Variants in DPP3 observed in about 807,000 individuals in gnomAD.
The protein encoded by DPP3 is dipeptidyl peptidase 3.
In DPP3, 64 loss-of-function variants were observed where a neutral mutation model predicts 89.8. That is an observed-to-expected ratio of 0.71 (90% confidence interval 0.58 to 0.88). The LOEUF (loss-of-function observed/expected upper bound fraction) is 0.88. Among genes scored for constraint, DPP3 ranks in the 40% least tolerant of loss-of-function variants. The pLI, the probability that DPP3 is intolerant of heterozygous loss-of-function variation, is 0.00. For synonymous variants in DPP3, 377 were observed against 404.3 expected (o/e 0.93, Z 0.81); for missense variants, 835 against 972.5 (o/e 0.86, Z 1.88).
At chr11:66,503,812 G>A (rs1293831008) in intron 16 of DPP3, among the ~76,000 whole-genome samples, 2 of 152,132 alleles carry the variant, frequency 1.3e-5, no homozygotes, top group Non-Finnish European at 2.9e-5. Flanking sequence ...ACTTGAACCC[G>A]GGAGGCAGAG....
At chr11:66,495,149 C>CT (rs1855496636) in intron 12 of DPP3, 57 bp from the exon 13 acceptor site, 3 of 1,611,250 alleles carry the variant, frequency 1.9e-6, no homozygotes. Context: ...GATTCTGGGG[C>CT]TGGAGGCCTG....
chr11:66,507,360 A>G (rs1855826974), intron 17 of DPP3, among the ~76,000 whole-genome samples: 1 of 152,014 alleles, frequency 6.6e-6, no homozygotes, highest in Non-Finnish European at 1.5e-5. Context: ...CCAGCTACTC[A>G]GGAGACTGAG....
At position 66,486,253 on chromosome 11, in the gene DPP3, T is replaced by A. The variant is rs1855223518; in HGVS notation, c.361-287T>A. The stretch of plus-strand genomic sequence containing the variant: ...CCACTGCGTCTGGCCTAATTTTTTT[T>A]ATTCTTTGTAGAGATGGGGTCTCTC... On this transcript the variant is annotated intron_variant, in intron 3 of 17. Coordinates refer to ENST00000531863, the MANE Select transcript of DPP3 (RefSeq NM_130443.4). Among the ~76,000 whole-genome samples the A allele has an allele frequency of 5.9e-5, 9 of 152,136 alleles. No homozygotes were observed. In the South Asian group the frequency reaches 1.9e-3, roughly 32 times the overall value.
At chr11:66,499,959 C>G (rs1481977580) in intron 16 of DPP3, among the ~76,000 whole-genome samples, 1 of 152,034 alleles carries the variant, frequency 6.6e-6, no homozygotes, top group Non-Finnish European at 1.5e-5. Flanking sequence ...GTGCCCTGTA[C>G]TGTCCATGGC....
chr11:66,502,941 T>C (rs1023865528), intron 16 of DPP3, among the ~76,000 whole-genome samples: 2 of 151,866 alleles, frequency 1.3e-5, no homozygotes, highest in African/African-American at 4.8e-5. Flanking sequence ...ATACTGTATC[T>C]TGTATGTGTA....
chr11:66,509,248 T>C lies in DPP3; in HGVS notation c.2211T>C (p.Ala737=), dbSNP rs1043716785. The part of the protein sequence containing the change: ...KGPSEAPSGQ[A] ...CCAGTGAGGCCCCATCTGGCCAAGC[T>C]TGAGGAAGATGTGTGGCCTTGCCCC... Residue 737 remains alanine (A), a synonymous_variant, in exon 18 of 18, where the codon GCT becomes GCC. Coordinates refer to ENST00000531863, the MANE Select transcript of DPP3 (RefSeq NM_130443.4). 5.6e-6 allele frequency: 9 copies of C among 1,607,740 alleles called. No homozygotes were observed. Among genetic ancestry groups the C allele is most frequent in the Non-Finnish European group, 7.6e-6 (9 of 1,177,008 alleles).
At chr11:66,480,863 C>T (rs1468488773) in intron 1 of DPP3, 2 of 178,388 alleles carry the variant, frequency 1.1e-5, no homozygotes, top group African/African-American at 4.7e-5. Context: ...TGGTTGTGAA[C>T]TTCTGTGGCT....
rs763495345 is a variant in DPP3, at chr11:66,504,623, C to T, written c.1890C>T (p.Ser630=). The T allele has an allele frequency of 3.1e-6, 5 of 1,610,290 alleles. No homozygotes were observed. The highest frequency in any genetic ancestry group is 4.2e-6 in the Non-Finnish European group (5 of 1,178,266). Residue 630 remains serine, a synonymous_variant, in exon 17 of 18, where the codon TCC becomes TCT. Coordinates refer to ENST00000531863, the MANE Select transcript of DPP3 (RefSeq NM_130443.4). Reference sequence around the variant, plus strand: ...CATCCTTCTCACAGGTGCTGAAGTCCACAGGGGATGTGGCCGGAGGGCGGG... The same window carrying T: ...CATCCTTCTCACAGGTGCTGAAGTCTACAGGGGATGTGGCCGGAGGGCGGG... The part of the protein sequence containing the change: ...RFLRRLQVLK[S]TGDVAGGRAL...
chr11:66,506,123 A>G (rs1036331454), intron 17 of DPP3, among the ~76,000 whole-genome samples: 6 of 151,270 alleles, frequency 4.0e-5, no homozygotes, highest in African/African-American at 1.5e-4. Context: ...TAATTTTTGT[A>G]TTTTTTTTAG....
intron 12 of DPP3, among the ~76,000 whole-genome samples, chr11:66,494,183 C>A (rs1219947249): frequency 6.6e-6 from 1 of 152,194 alleles, no homozygotes; most frequent in African/African-American, 2.4e-5. Context: ...GCTGGAGCCC[C>A]CTCCATACCT....
chr11:66,491,530 G>A lies in DPP3; in HGVS notation c.835G>A (p.Ala279Thr). The change falls in exon 8 of 18, where the codon GCC becomes ACC. Residue 279 changes from alanine to threonine, a missense_variant. By Grantham distance (58) the Ala-to-Thr change is moderately conservative. Transcript: ENST00000531863. ...CAACAGCCACCAGGGGCAGATGCTG[G>A]CCCAGTATATAGAGAGCTTCACCCA... ...AANSHQGQMLAQYIESFTQGS... is the reference protein window; with the variant it reads ...AANSHQGQMLTQYIESFTQGS... The A allele has an allele frequency of 6.2e-7, 1 of 1,612,730 alleles. No homozygotes were observed. Among genetic ancestry groups the A allele is most frequent in the Non-Finnish European group, 8.5e-7 (1 of 1,179,248 alleles).
rs767835114 is a variant in DPP3, at chr11:66,486,553, G to A, written c.374G>A (p.Arg125Gln). The A allele has an allele frequency of 1.6e-5, 24 of 1,523,384 alleles. No homozygotes were observed. Among genetic ancestry groups the A allele is most frequent in the Non-Finnish European group, 2.0e-5 (23 of 1,135,324 alleles). 94.4% of individuals were successfully genotyped at this position (1,523,384 alleles called of 1,614,324 possible). A position where few individuals can be genotyped will look rare whatever the true frequency, so the allele number is the denominator to read the frequency against. Reference protein sequence around the residue: ...VPNLPKEKLERVILGSEAAQQ... With the variant: ...VPNLPKEKLEQVILGSEAAQQ... ...CTTTCCTTGCAGGAAAAGCTGGAACGGGTGATCCTAGGGAGTGAGGCTGCT... is the reference window on the plus strand; with the variant it reads ...CTTTCCTTGCAGGAAAAGCTGGAACAGGTGATCCTAGGGAGTGAGGCTGCT... The change falls in exon 4 of 18, where the codon CGG (arginine) becomes CAG (glutamine). Residue 125 changes from arginine (R) to glutamine (Q), a missense_variant. Coordinates refer to ENST00000531863, the MANE Select transcript of DPP3 (RefSeq NM_130443.4).
At chr11:66,486,495 G>C (rs1855230929) in intron 3 of DPP3, 45 bp from the exon 4 acceptor site, 3 of 1,464,692 alleles carry the variant, frequency 2.0e-6, no homozygotes, top group Non-Finnish European at 2.7e-6. Flanking sequence ...CTGGAAGGCA[G>C]GTTTGGGTGG....
chr11:66,489,067 T>G (rs955394938), intron 6 of DPP3, among the ~76,000 whole-genome samples: 32 of 152,308 alleles, frequency 2.1e-4, no homozygotes, highest in Non-Finnish European at 3.7e-4. Flanking sequence ...GATTTCGCCA[T>G]TTGGCCAGGC....
At chr11:66,493,884 T>C (rs1312786780) in intron 12 of DPP3, among the ~76,000 whole-genome samples, 2 of 152,074 alleles carry the variant, frequency 1.3e-5, no homozygotes, top group Non-Finnish European at 2.9e-5. Context: ...AGCCTGGATG[T>C]AGAGCCTGGA....
intron 4 of DPP3, 135 bp from the exon 5 acceptor site, chr11:66,487,133 C>T: frequency 1.1e-5 from 9 of 799,218 alleles, no homozygotes; most frequent in Non-Finnish European, 1.7e-5. Context: ...TAACTTTTTC[C>T]CCTGGAGGTA....
intron 6 of DPP3, among the ~76,000 whole-genome samples, chr11:66,490,758 GTTTT>G (rs984901930): frequency 7.0e-6 from 1 of 142,046 alleles, no homozygotes; most frequent in Non-Finnish European, 1.6e-5. Context: ...GTTTTGTTTT[GTTTT>G]TTTTGTTTTG....
At chr11:66,481,126 C>T (rs937944373) in intron 1 of DPP3, 1 of 152,202 alleles carries the variant, frequency 6.6e-6, no homozygotes, top group African/African-American at 2.4e-5. Context: ...CGAGTCCTGG[C>T]TAAAGGCTGA....
chr11:66,488,203 G>A (rs4930379), intron 6 of DPP3, among the ~76,000 whole-genome samples, 196 bp downstream of exon 6: 34,059 of 152,124 alleles, frequency 0.22, 4,184 homozygotes, highest in East Asian at 0.26. Flanking sequence ...CCTGAGGGCT[G>A]GCAAGGGACA....
Sources: gnomAD v4.1 joint callset for allele counts (sites outside exome capture counted in the v4.1 genomes callset) on GRCh38, gnomAD v4.1.1 for gene constraint, MANE v1.5 for transcripts, NCBI Gene and HGNC (gene_info 2026-07-23, HGNC 2026-07-21) for gene names.